MBNL1: variants seen among roughly 807,000 people sequenced by gnomAD.
The protein encoded by MBNL1 is muscleblind-like protein 1.
In MBNL1, 8 loss-of-function variants were observed where a neutral mutation model predicts 42.2. That is an observed-to-expected ratio of 0.19 (90% confidence interval 0.11 to 0.34). The LOEUF (loss-of-function observed/expected upper bound fraction) is 0.34. Ranked by LOEUF, MBNL1 falls within the 10% of genes least tolerant of loss-of-function variation. The probability of loss-of-function intolerance (pLI) is 1.00; values close to 1 mark genes in which losing one functional copy is unlikely to be tolerated. For missense variants in MBNL1, 309 were observed against 495.3 expected (o/e 0.62, Z 3.57); for synonymous variants, 169 against 173.9 (o/e 0.97, Z 0.22).
intron 3 of MBNL1, among the ~76,000 whole-genome samples, chr3:152,420,903 C>T (rs1272650046): frequency 6.6e-6 from 1 of 152,090 alleles, no homozygotes; most frequent in Non-Finnish European, 1.5e-5. Flanking sequence ...AACTGAATAA[C>T]CAGTTTAGAG....
At chr3:152,424,003 C>A (rs1008473627) in intron 3 of MBNL1, among the ~76,000 whole-genome samples, 2 of 152,048 alleles carry the variant, frequency 1.3e-5, no homozygotes, top group Admixed American at 1.3e-4. Context: ...GAAGTATTCC[C>A]TTTGAAAACT....
At chr3:152,369,324 A>G (rs371100974) in intron 2 of MBNL1, among the ~76,000 whole-genome samples, 7 of 152,114 alleles carry the variant, frequency 4.6e-5, no homozygotes, top group African/African-American at 1.4e-4. Context: ...ATTGATTTGC[A>G]TATGTTGAAC....
chr3:152,303,726 C>A (rs1050492596), intron 2 of MBNL1, among the ~76,000 whole-genome samples: 3 of 151,518 alleles, frequency 2.0e-5, no homozygotes, highest in South Asian at 4.2e-4. Context: ...TTATTTATAC[C>A]CTCAAAAAAA....
At chr3:152,379,832 C>T (rs1023411790) in intron 2 of MBNL1, among the ~76,000 whole-genome samples, 4 of 151,856 alleles carry the variant, frequency 2.6e-5, no homozygotes, top group Admixed American at 2.6e-4. Flanking sequence ...TAAGCTTTTC[C>T]GCCTCTGCTC....
rs77012981 is a variant in MBNL1 at position 152,282,793 on chromosome 3, A to G, written c.-790+13701A>G. On this transcript the variant is annotated intron_variant, in intron 1 of 9. Transcript: ENST00000324210. ...CGAAGGAAGGATTTTATTTTCATGT[A>G]AAGAAAAATGCCATTTTATGCTTAG... Among the ~76,000 whole-genome samples the G allele has an allele frequency of 7.0e-4, 106 of 152,334 alleles. 2 individuals carry two copies. In the East Asian group the frequency reaches 0.02, roughly 29 times the overall value.
chr3:152,262,301 C>A (rs946930605), intron 2 of MBNL1, among the ~76,000 whole-genome samples: 1 of 152,080 alleles, frequency 6.6e-6, no homozygotes, highest in Admixed American at 6.6e-5. Flanking sequence ...AAACTCCCAC[C>A]ATTTATTAAT....
intron 2 of MBNL1, among the ~76,000 whole-genome samples, chr3:152,316,718 A>G (rs2071808101): frequency 6.6e-6 from 1 of 152,190 alleles, no homozygotes; most frequent in Non-Finnish European, 1.5e-5. Flanking sequence ...CTGGGAACAT[A>G]GTATTTTTGC....
intron 2 of MBNL1, among the ~76,000 whole-genome samples, chr3:152,386,871 G>C (rs773340788): frequency 2.0e-5 from 3 of 152,046 alleles, no homozygotes; most frequent in Non-Finnish European, 4.4e-5. Flanking sequence ...TAATAGTATA[G>C]GTTGATTTGT....
At chr3:152,369,471 T>G (rs1277740195) in intron 2 of MBNL1, among the ~76,000 whole-genome samples, 3 of 151,940 alleles carry the variant, frequency 2.0e-5, no homozygotes, top group African/African-American at 7.3e-5. Context: ...TGAAATTTTC[T>G]TTTTTTTGTT....
rs1162589767 is a variant in MBNL1, at chr3:152,436,359, T to C, written c.549+3439T>C. On this transcript the variant is annotated intron_variant, in intron 4 of 9. Transcript: ENST00000324210. ...AGAGATGTGAAGCAACTCTTTCTTGTTAGGTAGATACACCTGATACACCTG... is the reference window on the plus strand; with the variant it reads ...AGAGATGTGAAGCAACTCTTTCTTGCTAGGTAGATACACCTGATACACCTG... Among the ~76,000 whole-genome samples, 3 of 152,322 alleles carry C rather than the reference T, an allele frequency of 2.0e-5. No individual in the cohort carries two copies. The East Asian group carries it at 5.8e-4, about 29-fold the overall frequency.
intron 5 of MBNL1, 142 bp from the exon 6 acceptor site, chr3:152,447,478 A>G (rs1420015027): frequency 2.4e-6 from 1 of 409,466 alleles, no homozygotes; most frequent in Non-Finnish European, 4.2e-6. Context: ...TTTTTTGTTC[A>G]TTGGATTTTT....
At chr3:152,365,802 A>G (rs2096323429) in intron 2 of MBNL1, among the ~76,000 whole-genome samples, 1 of 152,178 alleles carries the variant, frequency 6.6e-6, no homozygotes, top group African/African-American at 2.4e-5. Context: ...CAGAAATTCC[A>G]AGATAGCTTA....
At chr3:152,332,739 T>TGTGTGTGCGC (rs1256022678) in intron 2 of MBNL1, among the ~76,000 whole-genome samples, 69 of 115,692 alleles carry the variant, frequency 6.0e-4, no homozygotes, top group Admixed American at 1.3e-3. Flanking sequence ...TGTGTGTGTG[T>TGTGTGTGCGC]GCGCGCGCGC....
rs547275918 is a variant in MBNL1 at position 152,335,608 on chromosome 3, A to G, written c.174+35241A>G. 8.6e-5 allele frequency among the ~76,000 whole-genome samples: 13 copies of G among 151,434 alleles called. No homozygotes were observed. The East Asian group carries it at 2.1e-3, about 25-fold the overall frequency. On this transcript the variant is annotated intron_variant, in intron 2 of 9. Coordinates refer to ENST00000324210, the MANE Select transcript of MBNL1 (RefSeq NM_021038.5). Reference sequence around the variant, plus strand: ...ATGAAAGCAGTTGTTCCTCCTTTCAATTCTAATTGAGCACCTTTTTTTTTT... The same window carrying G: ...ATGAAAGCAGTTGTTCCTCCTTTCAGTTCTAATTGAGCACCTTTTTTTTTT...
rs139858648 is a variant in MBNL1 at position 152,289,197 on chromosome 3, A to G, written c.-789-10208A>G. 6.4e-3 allele frequency among the ~76,000 whole-genome samples: 976 copies of G among 152,274 alleles called. 9 individuals carry two copies. The highest frequency in any genetic ancestry group is 0.022 in the African/African-American group (932 of 41,578). ...ATAGCTTTTTATATGCAATTTCAGC[A>G]TTGATTAAAAGAGTGAAAAATGGGC... is the stretch of plus-strand genomic sequence containing the variant. On this transcript the variant is annotated intron_variant, in intron 1 of 9. Coordinates refer to ENST00000324210, the MANE Select transcript of MBNL1 (RefSeq NM_021038.5).
At chr3:152,374,199 GATTT>G (rs2096799142) in intron 2 of MBNL1, among the ~76,000 whole-genome samples, 1 of 152,144 alleles carries the variant, frequency 6.6e-6, no homozygotes, top group African/African-American at 2.4e-5. Flanking sequence ...TATGTACAGT[GATTT>G]ATTATTTGCA....
intron 9 of MBNL1, among the ~76,000 whole-genome samples, chr3:152,461,453 T>C (rs887388075): frequency 1.4e-4 from 22 of 152,304 alleles, no homozygotes; most frequent in African/African-American, 3.8e-4. Context: ...CAAGCTCTTA[T>C]AGTCAATTAG....
In MBNL1 at chr3:152,342,869, A is replaced by G. The variant is rs553321224; in HGVS notation, c.174+42502A>G. 2.6e-5 allele frequency among the ~76,000 whole-genome samples: 4 copies of G among 152,322 alleles called. No homozygotes were observed. In the South Asian group the frequency reaches 8.3e-4, roughly 32 times the overall value. On this transcript the variant is annotated intron_variant, in intron 2 of 9. Coordinates refer to ENST00000324210, the MANE Select transcript of MBNL1 (RefSeq NM_021038.5). Reference sequence around the variant, plus strand: ...ATTATCATGGATAATAAATTTTAATACAATTAAAGAGCTCCAATAAATGTT... The same window carrying G: ...ATTATCATGGATAATAAATTTTAATGCAATTAAAGAGCTCCAATAAATGTT...
chr3:152,388,094 G>T (rs1467322282), intron 2 of MBNL1, among the ~76,000 whole-genome samples: 1 of 152,182 alleles, frequency 6.6e-6, no homozygotes, highest in South Asian at 2.1e-4. Context: ...CATTCTTGTA[G>T]TTTAGATTTC....
Sources: gnomAD v4.1 joint callset for allele counts (sites outside exome capture counted in the v4.1 genomes callset) on GRCh38, gnomAD v4.1.1 for gene constraint, MANE v1.5 for transcripts, NCBI Gene and HGNC (gene_info 2026-07-23, HGNC 2026-07-21) for gene names.